The following ANXA6 variants were observed in gnomAD, a reference collection of about 807,000 sequenced individuals.
ANXA6 encodes 67 kDa calelectrin.
Under a neutral mutation model 95.4 loss-of-function variants are expected in ANXA6, and 71 were observed. That is an observed-to-expected ratio of 0.74 (90% CI 0.61 to 0.91). ANXA6 has a LOEUF of 0.91. ANXA6 is among the 40% of genes least tolerant of loss of function. The pLI is 0.00. For synonymous variants in ANXA6, 289 were observed against 315.9 expected (o/e 0.91, Z 0.90); for missense variants, 830 against 876.4 (o/e 0.95, Z 0.67).
chr5:151,129,279 G>A, intron 12 of ANXA6, 128 bp downstream of exon 12: 2 of 1,181,840 alleles, frequency 1.7e-6, no homozygotes, highest in Non-Finnish European at 2.4e-6. Flanking sequence ...CACAAGGCAG[G>A]AGCTCCTGGA....
chr5:151,119,532 C>T (rs1765102881), intron 17 of ANXA6, 142 bp from the exon 18 acceptor site: 5 of 664,244 alleles, frequency 7.5e-6, no homozygotes, highest in East Asian at 2.7e-5. Flanking sequence ...GGCCCAAGAC[C>T]TTGGCACAAC....
At chr5:151,130,413 G>A (rs1161698921) in intron 11 of ANXA6, among the ~76,000 whole-genome samples, 1 of 151,964 alleles carries the variant, frequency 6.6e-6, no homozygotes, top group Admixed American at 6.6e-5. Flanking sequence ...ACAGTCCCTG[G>A]CTAGTTCTAT....
intron 15 of ANXA6, among the ~76,000 whole-genome samples, chr5:151,123,213 G>C (rs564718458): frequency 6.6e-6 from 1 of 152,260 alleles, no homozygotes; most frequent in South Asian, 2.1e-4. Flanking sequence ...CTTTCCTTTT[G>C]ACACGCTGAG....
At chr5:151,112,402 A>AT (rs903162820) in intron 20 of ANXA6, among the ~76,000 whole-genome samples, 8 of 151,970 alleles carry the variant, frequency 5.3e-5, no homozygotes, top group African/African-American at 1.2e-4. Context: ...AAGCTTTCGC[A>AT]TTTTTTTTAT....
chr5:151,109,772 G>A lies in ANXA6; in HGVS notation c.1665C>T (p.Ser555=), dbSNP rs940447618. ...TRFMTILCTR[S]YPHLRRVFQE... ...CCTCACCTCTCCGGAGGTGCGGATAGCTCCGGGTACACAGGATCGTCATGA... is the reference window on the plus strand; with the variant it reads ...CCTCACCTCTCCGGAGGTGCGGATAACTCCGGGTACACAGGATCGTCATGA... The change falls in exon 22 of 26, where the codon AGC becomes AGT. Residue 555 remains serine, a synonymous_variant. Transcript: ENST00000354546. 1 of 1,610,696 alleles carries A rather than the reference G, an allele frequency of 6.2e-7. No homozygotes were observed. The highest frequency in any genetic ancestry group is 8.5e-7 in the Non-Finnish European group (1 of 1,178,428).
chr5:151,105,432 G>T, intron 23 of ANXA6, 129 bp from the exon 24 acceptor site: 1 of 788,490 alleles, frequency 1.3e-6, no homozygotes, highest in Non-Finnish European at 2.2e-6. Flanking sequence ...TCAACCCCAG[G>T]GTCATGCTCA....
intron 20 of ANXA6, 146 bp downstream of exon 20, chr5:151,116,981 A>T: frequency 1.8e-6 from 1 of 547,556 alleles, no homozygotes; most frequent in Non-Finnish European, 3.0e-6. Flanking sequence ...CCTCATTTCT[A>T]CAGTCTAAGT....
intron 21 of ANXA6, among the ~76,000 whole-genome samples, 177 bp from the exon 22 acceptor site, chr5:151,110,023 C>A (rs139694136): frequency 0.016 from 2,437 of 152,326 alleles, 215 homozygotes; most frequent in Admixed American, 0.14. Flanking sequence ...GGCTTCTATA[C>A]TCCCCTCTCC....
At chr5:151,148,408 A>C (rs1210066431) in intron 1 of ANXA6, among the ~76,000 whole-genome samples, 1 of 152,180 alleles carries the variant, frequency 6.6e-6, no homozygotes, top group African/African-American at 2.4e-5. Flanking sequence ...CCCCCTTTTC[A>C]AGTCAACAAG....
intron 1 of ANXA6, among the ~76,000 whole-genome samples, chr5:151,148,185 T>G (rs1766018117): frequency 6.6e-6 from 1 of 152,022 alleles, no homozygotes; most frequent in South Asian, 2.1e-4. Context: ...GACCCACCAC[T>G]GACCCCTTGA....
intron 7 of ANXA6, among the ~76,000 whole-genome samples, chr5:151,135,269 T>C (rs1765626227): frequency 6.6e-6 from 1 of 152,102 alleles, no homozygotes; most frequent in Non-Finnish European, 1.5e-5. Flanking sequence ...TGCTGCTTGG[T>C]GTCAAACCTT....
intron 7 of ANXA6, among the ~76,000 whole-genome samples, 186 bp downstream of exon 7, chr5:151,136,070 T>C (rs372371224): frequency 1.3e-5 from 2 of 151,632 alleles, no homozygotes; most frequent in Middle Eastern, 3.4e-3. Flanking sequence ...AGGAAGAAAA[T>C]CACAGCAGAA....
In ANXA6 at chr5:151,117,825, G is replaced by GT. The variant is rs1765046744; in HGVS notation, c.1450_1451insA (p.Ser484TyrfsTer27). The stretch of plus-strand genomic sequence containing the variant: ...GTCTGAGCTCAGAGCATCCTCCAGG[G>GT]ACTTGTGATAGTCTGAGGCAGAGAA... On this transcript the variant is annotated frameshift_variant, in exon 19 of 26. Coordinates refer to ENST00000354546, the MANE Select transcript of ANXA6 (RefSeq NM_001155.5). LOFTEE classifies it high-confidence loss of function. The GT allele has an allele frequency of 6.2e-7, 1 of 1,613,500 alleles. No individual in the cohort carries two copies. The highest frequency in any genetic ancestry group is 1.3e-5 in the African/African-American group (1 of 74,924).
intron 14 of ANXA6, 88 bp downstream of exon 14, chr5:151,126,314 G>C (rs1765313850): frequency 8.5e-7 from 1 of 1,179,894 alleles, no homozygotes; most frequent in African/African-American, 1.5e-5. Flanking sequence ...GCCGCCAGGG[G>C]GCAGCTGGGT....
intron 11 of ANXA6, among the ~76,000 whole-genome samples, chr5:151,130,465 G>T (rs1765464004): frequency 6.6e-6 from 1 of 152,204 alleles, no homozygotes; most frequent in Admixed American, 6.5e-5. Flanking sequence ...ATGTTGCCCA[G>T]GCTGGTCTTG....
chr5:151,148,659 CTGAGA>C (rs753663022), intron 1 of ANXA6, among the ~76,000 whole-genome samples: 6 of 152,174 alleles, frequency 3.9e-5, no homozygotes, highest in Non-Finnish European at 8.8e-5. Flanking sequence ...ACTCATCAGG[CTGAGA>C]TAAGAACTAC....
intron 14 of ANXA6, among the ~76,000 whole-genome samples, chr5:151,125,339 C>T (rs1765286582): frequency 2.4e-5 from 1 of 41,226 alleles, no homozygotes. Context: ...GAGACCCTGT[C>T]TCAAAAAAAA....
At chr5:151,122,072 C>T in intron 17 of ANXA6, 75 bp downstream of exon 17, 2 of 890,930 alleles carry the variant, frequency 2.2e-6, no homozygotes, top group Non-Finnish European at 3.3e-6. Context: ...ACAGCTAATC[C>T]ACCTGGGCTT....
Position 151,105,289 on chromosome 5 carries a change from T to A in ANXA6, c.1795A>T (p.Asn599Tyr). ...AFVAIVQSVK[N>Y]KPLFFADKLY... is the part of the protein sequence containing the mutation. Reference sequence around the variant, plus strand: ...TTGTCGGCAAAGAAGAGAGGCTTGTTCTTGACACTTTGAACTGGTAGGAAG... The same window carrying A: ...TTGTCGGCAAAGAAGAGAGGCTTGTACTTGACACTTTGAACTGGTAGGAAG... Residue 599 changes from asparagine to tyrosine, a missense_variant, in exon 24 of 26, where the codon AAC becomes TAC. Transcript: ENST00000354546. The A allele has an allele frequency of 6.2e-7, 1 of 1,613,954 alleles. No individual in the cohort carries two copies. The highest frequency in any genetic ancestry group is 8.5e-7 in the Non-Finnish European group (1 of 1,179,832).
Sources: gnomAD v4.1 joint callset for allele counts (sites outside exome capture counted in the v4.1 genomes callset) on GRCh38, gnomAD v4.1.1 for gene constraint, MANE v1.5 for transcripts, NCBI Gene and HGNC (gene_info 2026-07-23, HGNC 2026-07-21) for gene names.